ST8SIA6: variants seen among roughly 807,000 people sequenced by gnomAD.
ST8SIA6 encodes the protein ST8 alpha-N-acetyl-neuraminide alpha-2,8-sialyltransferase 6, also known as alpha-2,8-sialyltransferase 8F.
A neutral mutation model predicts 33.6 loss-of-function variants in ST8SIA6; 39 were observed. The observed-to-expected ratio is 1.16, with a 90% CI of 0.90 to 1.52. ST8SIA6 has a LOEUF of 1.52. Among genes scored for constraint, ST8SIA6 ranks in the 40% most tolerant of loss-of-function variants. ST8SIA6 has a pLI of 0.00. For missense variants in ST8SIA6, 441 were observed against 443.8 expected (o/e 0.99, Z 0.06); for synonymous variants, 172 against 167.2 (o/e 1.03, Z -0.22).
rs1847796486 is a variant in ST8SIA6 at position 17,317,029 on chromosome 10, A to G, written c.*3849T>C. Reference sequence around the variant, plus strand: ...TCATGTTGAAGAAGTACAGTTCCTCACCTGTATCTCAAACATAATTCTCCT... The same window carrying G: ...TCATGTTGAAGAAGTACAGTTCCTCGCCTGTATCTCAAACATAATTCTCCT... On this transcript the variant is annotated 3_prime_UTR_variant, in exon 8 of 8. Transcript: ENST00000377602. 6.6e-6 allele frequency among the ~76,000 whole-genome samples: 1 copy of G among 152,128 alleles called. No homozygotes were observed. Among genetic ancestry groups the G allele is most frequent in the Non-Finnish European group, 1.5e-5 (1 of 68,004 alleles).
intron 2 of ST8SIA6, among the ~76,000 whole-genome samples, chr10:17,444,974 G>A (rs1043044451): frequency 1.1e-4 from 16 of 152,118 alleles, no homozygotes; most frequent in Admixed American, 2.6e-4. Flanking sequence ...ACACATATTC[G>A]TATCATTACT....
intron 3 of ST8SIA6, among the ~76,000 whole-genome samples, chr10:17,385,930 C>A (rs958346094): frequency 2.0e-5 from 3 of 152,160 alleles, no homozygotes. Flanking sequence ...TGCCTGTAAA[C>A]ACAACACTTT....
chr10:17,357,123 C>A (rs1449385418), intron 4 of ST8SIA6, among the ~76,000 whole-genome samples: 1 of 142,746 alleles, frequency 7.0e-6, no homozygotes, highest in Non-Finnish European at 1.5e-5. Flanking sequence ...TCAAAGTTGG[C>A]CTTCAGTTCT....
At chr10:17,333,680 T>TAGATATAG (rs1564404717) in intron 4 of ST8SIA6, among the ~76,000 whole-genome samples, 1 of 19,468 alleles carries the variant, frequency 5.1e-5, no homozygotes, top group African/African-American at 2.3e-4. Flanking sequence ...GGGATATATA[T>TAGATATAG]ATATATATAT....
chr10:17,422,913 T>C (rs1851822381), intron 2 of ST8SIA6, among the ~76,000 whole-genome samples: 1 of 152,226 alleles, frequency 6.6e-6, no homozygotes, highest in South Asian at 2.1e-4. Flanking sequence ...TAGAAATTAT[T>C]GAACAATACG....
In ST8SIA6 at chr10:17,324,701, T is replaced by C. The variant is rs1050906465; in HGVS notation, c.636-1544A>G. 2.1e-4 allele frequency among the ~76,000 whole-genome samples: 21 copies of C among 101,054 alleles called. 1 individual carries two copies. In the Admixed American group the frequency reaches 2.7e-3, roughly 13 times the overall value. The allele number at this position is 101,054 out of a possible 152,430, so 66.3% of individuals were successfully genotyped here. A position where few individuals can be genotyped will look rare whatever the true frequency, so the allele number is the denominator to read the frequency against. On this transcript the variant is annotated intron_variant, in intron 6 of 7. Transcript: ENST00000377602. The stretch of plus-strand genomic sequence containing the variant: ...CTGATGCCAGGTATTTTCCTGAATA[T>C]AGAGTATACACACACACACACACAC...
rs1847772661 is a variant in ST8SIA6 at position 17,316,261 on chromosome 10, C to T, written c.*4617G>A. On this transcript the variant is annotated 3_prime_UTR_variant, in exon 8 of 8. Transcript: ENST00000377602. ...CATACGCTTTAAAGTAATTAAATGG[C>T]ATTGTGCTAAAGCTTTTGTTTTCCC... Among the ~76,000 whole-genome samples the T allele has an allele frequency of 6.6e-6, 1 of 151,898 alleles. No homozygotes were observed.
intron 2 of ST8SIA6, among the ~76,000 whole-genome samples, chr10:17,425,062 G>T (rs1274890192): frequency 1.3e-5 from 2 of 152,062 alleles, no homozygotes; most frequent in Non-Finnish European, 2.9e-5. Context: ...TAAAAAAATT[G>T]CTTCATCTTA....
Position 17,316,489 on chromosome 10 carries a change from T to C in ST8SIA6, c.*4389A>G, listed in dbSNP as rs575656250. Reference sequence around the variant, plus strand: ...AAATACCTTAATACTTGTTTTTTTGTGTGGATCAGAACAGGTCCTCTTGGC... The same window carrying C: ...AAATACCTTAATACTTGTTTTTTTGCGTGGATCAGAACAGGTCCTCTTGGC... On this transcript the variant is annotated 3_prime_UTR_variant, in exon 8 of 8. Transcript: ENST00000377602. Among the ~76,000 whole-genome samples the C allele has an allele frequency of 6.6e-6, 1 of 152,208 alleles. No homozygotes were observed. The highest frequency in any genetic ancestry group is 1.5e-5 in the Non-Finnish European group (1 of 67,946).
intron 4 of ST8SIA6, among the ~76,000 whole-genome samples, chr10:17,352,093 C>T (rs1849051090): frequency 1.3e-5 from 2 of 151,940 alleles, no homozygotes; most frequent in Admixed American, 6.6e-5. Context: ...TGTTAATTAG[C>T]TTGATATAAT....
At chr10:17,336,246 C>T (rs1047172188) in intron 4 of ST8SIA6, among the ~76,000 whole-genome samples, 6 of 152,058 alleles carry the variant, frequency 3.9e-5, no homozygotes, top group East Asian at 1.9e-4. Flanking sequence ...CCTGAGCCGC[C>T]GCACTGGGCC....
At chr10:17,374,662 G>C (rs11254566) in intron 3 of ST8SIA6, among the ~76,000 whole-genome samples, 27,296 of 150,502 alleles carry the variant, frequency 0.18, 2,609 homozygotes, top group South Asian at 0.22. Context: ...TGCAGTGAGC[G>C]GAGATCGTAC....
At chr10:17,326,712 C>G (rs963089679) in intron 6 of ST8SIA6, among the ~76,000 whole-genome samples, 2 of 152,166 alleles carry the variant, frequency 1.3e-5, no homozygotes, top group Non-Finnish European at 2.9e-5. Flanking sequence ...GGAGTCCTCC[C>G]AAGGTAGCCA....
rs1387523339 is a variant in ST8SIA6, at chr10:17,320,068, T to C, written c.*810A>G. The stretch of plus-strand genomic sequence containing the variant: ...ACAGAGCCTGGTGCAGGGCCTGGCA[T>C]GAAGTAGTTATTCAGTAATTTTAAA... On this transcript the variant is annotated 3_prime_UTR_variant, in exon 8 of 8. Coordinates refer to ENST00000377602, the MANE Select transcript of ST8SIA6 (RefSeq NM_001004470.3). The C allele has an allele frequency of 6.6e-6, 1 of 152,202 alleles. No homozygotes were observed. Among genetic ancestry groups the C allele is most frequent in the Non-Finnish European group, 1.5e-5 (1 of 68,048 alleles). 9.4% of individuals were successfully genotyped at this position (152,202 alleles called of 1,614,324 possible).
rs1401891107 is a variant in ST8SIA6, at chr10:17,318,692, A to G, written c.*2186T>C. 2 of 471,092 alleles carry G rather than the reference A, an allele frequency of 4.2e-6. No individual in the cohort carries two copies. Among genetic ancestry groups the G allele is most frequent in the Admixed American group, 2.3e-5 (1 of 42,554 alleles). 29.2% of individuals were successfully genotyped at this position (471,092 alleles called of 1,614,324 possible). On this transcript the variant is annotated 3_prime_UTR_variant, in exon 8 of 8. Transcript: ENST00000377602. ...CAGACTTGGTTGTGGCGAATCTACA[A>G]ATCTACAAGATGGAGTTTATAGTTT...
chr10:17,379,622 G>T (rs913000609), intron 3 of ST8SIA6, among the ~76,000 whole-genome samples: 2 of 152,122 alleles, frequency 1.3e-5, no homozygotes, highest in Non-Finnish European at 2.9e-5. Flanking sequence ...TCACCTATCT[G>T]CGACCTGGAA....
chr10:17,371,240 T>C (rs964726469), intron 3 of ST8SIA6, among the ~76,000 whole-genome samples: 6 of 152,096 alleles, frequency 3.9e-5, no homozygotes, highest in African/African-American at 1.4e-4. Context: ...AGGACATCAG[T>C]GTGAGACAGA....
chr10:17,342,773 A>C (rs1333141237), intron 4 of ST8SIA6, among the ~76,000 whole-genome samples: 1 of 151,808 alleles, frequency 6.6e-6, no homozygotes, highest in Non-Finnish European at 1.5e-5. Context: ...ACATGGTGAG[A>C]CCCCCTCTCT....
intron 3 of ST8SIA6, among the ~76,000 whole-genome samples, chr10:17,363,347 C>T (rs1849457639): frequency 6.6e-6 from 1 of 152,086 alleles, no homozygotes; most frequent in Non-Finnish European, 1.5e-5. Flanking sequence ...ATGAGTAACG[C>T]ATACATTAAC....
Sources: gnomAD v4.1 joint callset for allele counts (sites outside exome capture counted in the v4.1 genomes callset) on GRCh38, gnomAD v4.1.1 for gene constraint, MANE v1.5 for transcripts, NCBI Gene and HGNC (gene_info 2026-07-23, HGNC 2026-07-21) for gene names.